MBD5: variants seen among roughly 807,000 people sequenced by gnomAD.
MBD5 encodes methyl-CpG-binding domain protein 5.
Under a neutral mutation model 117.3 loss-of-function variants are expected in MBD5, and 13 were observed. The observed-to-expected ratio is 0.11, with a 90% CI of 0.07 to 0.18. The LOEUF (loss-of-function observed/expected upper bound fraction) is 0.18. Among genes scored for constraint, MBD5 ranks in the 10% least tolerant of loss-of-function variants. MBD5 has a pLI of 1.00. For missense variants in MBD5, 1,879 were observed against 2,093.8 expected (o/e 0.90, Z 2.00); for synonymous variants, 727 against 766.4 (o/e 0.95, Z 0.85).
At chr2:148,076,195 GTT>G (rs1245776483) in intron 1 of MBD5, among the ~76,000 whole-genome samples, 3 of 151,832 alleles carry the variant, frequency 2.0e-5, no homozygotes, top group African/African-American at 7.3e-5. Context: ...TGTTGTTGTT[GTT>G]GTTTTCTTTT....
At chr2:148,270,514 G>A (rs551129574) in intron 3 of MBD5, among the ~76,000 whole-genome samples, 69 of 151,144 alleles carry the variant, frequency 4.6e-4, no homozygotes, top group African/African-American at 1.3e-3. Flanking sequence ...TCAGCCTCCC[G>A]AATAACTGGG....
chr2:148,508,507 A>G (rs1485032789), intron 12 of MBD5, among the ~76,000 whole-genome samples: 2 of 152,148 alleles, frequency 1.3e-5, no homozygotes, highest in African/African-American at 4.8e-5. Flanking sequence ...GATAGGTAAC[A>G]GGGAACTCCA....
chr2:148,050,317 T>C (rs1029728291), intron 1 of MBD5, among the ~76,000 whole-genome samples: 2 of 152,234 alleles, frequency 1.3e-5, no homozygotes, highest in African/African-American at 4.8e-5. Context: ...TTATTAGCCA[T>C]TTGCATACCT....
chr2:148,140,305 G>A (rs79715381), intron 1 of MBD5, among the ~76,000 whole-genome samples: 1 of 152,136 alleles, frequency 6.6e-6, no homozygotes, highest in East Asian at 1.9e-4. Flanking sequence ...TAAATTGAAA[G>A]CACCAAACAC....
chr2:148,437,713 G>A (rs572473012), intron 4 of MBD5, among the ~76,000 whole-genome samples: 10 of 151,932 alleles, frequency 6.6e-5, no homozygotes, highest in African/African-American at 2.4e-4. Flanking sequence ...AGTCACATAG[G>A]TGAAACAGTT....
chr2:148,181,156 C>A (rs1453774756), intron 2 of MBD5, among the ~76,000 whole-genome samples: 1 of 152,124 alleles, frequency 6.6e-6, no homozygotes, highest in Non-Finnish European at 1.5e-5. Flanking sequence ...GTGATCCTTA[C>A]TATTTTATTT....
intron 3 of MBD5, among the ~76,000 whole-genome samples, chr2:148,272,686 T>C (rs1342047970): frequency 6.6e-6 from 1 of 152,198 alleles, no homozygotes; most frequent in African/African-American, 2.4e-5. Context: ...AGATATTAAC[T>C]CCTTATTAAT....
At chr2:148,212,440 A>G (rs80281142) in intron 2 of MBD5, among the ~76,000 whole-genome samples, 6,004 of 152,300 alleles carry the variant, frequency 0.039, 158 homozygotes, top group African/African-American at 0.075. Flanking sequence ...ATGTTCTATT[A>G]TATAGATATA....
At chr2:148,415,168 T>G (rs529696291) in intron 4 of MBD5, among the ~76,000 whole-genome samples, 8 of 152,326 alleles carry the variant, frequency 5.3e-5, no homozygotes, top group Admixed American at 4.6e-4. Flanking sequence ...GAGGTGGTAG[T>G]GAATTCCCTT....
intron 4 of MBD5, among the ~76,000 whole-genome samples, chr2:148,360,271 T>C (rs1294372617): frequency 6.6e-6 from 1 of 152,196 alleles, no homozygotes; most frequent in Non-Finnish European, 1.5e-5. Flanking sequence ...TCTGATTACC[T>C]CTAACTACTG....
At chr2:148,037,954 A>T (rs1453461478) in intron 1 of MBD5, among the ~76,000 whole-genome samples, 1 of 152,008 alleles carries the variant, frequency 6.6e-6, no homozygotes, top group African/African-American at 2.4e-5. Flanking sequence ...GAGAATGCAG[A>T]TACAAGTTGA....
intron 3 of MBD5, among the ~76,000 whole-genome samples, chr2:148,270,028 T>C (rs1558999053): frequency 6.6e-6 from 1 of 152,262 alleles, no homozygotes; most frequent in East Asian, 1.9e-4. Context: ...ATCCTCCTCT[T>C]GTTCATGGAT....
chr2:148,174,902 C>T (rs867536503), intron 1 of MBD5, among the ~76,000 whole-genome samples: 2 of 152,072 alleles, frequency 1.3e-5, no homozygotes, highest in Non-Finnish European at 2.9e-5. Context: ...CCTCAATAAA[C>T]TAAAAATAGA....
chr2:148,500,833 C>CAT, intron 11 of MBD5, among the ~76,000 whole-genome samples: 1 of 152,290 alleles, frequency 6.6e-6, no homozygotes, highest in East Asian at 1.9e-4. Flanking sequence ...AAGCATCTTT[C>CAT]ATATCCCCTT....
chr2:148,184,049 T>TG (rs1358663199), intron 2 of MBD5, among the ~76,000 whole-genome samples: 1 of 149,898 alleles, frequency 6.7e-6, no homozygotes, highest in Non-Finnish European at 1.5e-5. Flanking sequence ...TGAGACCTTC[T>TG]GACTCTGTCA....
chr2:148,424,177 CAAAAAAAAAAAAAAAAAAAAAA>C lies in MBD5; in HGVS notation c.-556-34008_-556-33987del, dbSNP rs56740583. The stretch of plus-strand genomic sequence containing the variant: ...TGGGCAACAGAGCAAGACTCTGTCT[CAAAAAAAAAAAAAAAAAAAAAA>C]AAAAAAAAAAAAAAAAACAGCAGAG... On this transcript the variant is annotated intron_variant, in intron 4 of 13. Coordinates refer to ENST00000642680, the MANE Select transcript of MBD5 (RefSeq NM_001378120.1). 1.1e-3 allele frequency among the ~76,000 whole-genome samples: 57 copies of C among 53,462 alleles called. 1 individual carries two copies. Among genetic ancestry groups the C allele is most frequent in the East Asian group, 9.3e-3 (7 of 756 alleles). 35.1% of individuals were successfully genotyped at this position (53,462 alleles called of 152,430 possible).
At chr2:148,030,240 A>C (rs1307883276) in intron 1 of MBD5, among the ~76,000 whole-genome samples, 1 of 152,040 alleles carries the variant, frequency 6.6e-6, no homozygotes, top group Admixed American at 6.5e-5. Context: ...ATGCCACTGC[A>C]CTTCAGCCTG....
chr2:148,453,746 T>C (rs1303681496), intron 4 of MBD5, among the ~76,000 whole-genome samples: 3 of 151,870 alleles, frequency 2.0e-5, no homozygotes, highest in Non-Finnish European at 4.4e-5. Context: ...ATTATAAAAG[T>C]AAACCTGACT....
At chr2:148,084,415 T>A (rs1372915636) in intron 1 of MBD5, among the ~76,000 whole-genome samples, 1 of 152,240 alleles carries the variant, frequency 6.6e-6, no homozygotes, top group Non-Finnish European at 1.5e-5. Flanking sequence ...ATATCTATTC[T>A]AATTATCTGC....
Sources: allele counts gnomAD v4.1 joint callset (sites outside exome capture counted in the v4.1 genomes callset), GRCh38; gene constraint gnomAD v4.1.1; transcripts MANE v1.5; gene names NCBI Gene and HGNC (gene_info 2026-07-23, HGNC 2026-07-21).